The following NRXN3 variants were observed in gnomAD, a reference collection of about 807,000 sequenced individuals.
NRXN3 encodes neurexin III.
Under a neutral mutation model 137.6 loss-of-function variants are expected in NRXN3, and 32 were observed. That is an observed-to-expected ratio of 0.23 (90% CI 0.18 to 0.31). The LOEUF is 0.31. Ranked by LOEUF, NRXN3 falls within the 10% of genes least tolerant of loss-of-function variation. NRXN3 has a pLI of 1.00. For missense variants in NRXN3, 1,574 were observed against 2,062.5 expected, an observed-to-expected ratio of 0.76 and a Z score of 4.59; for synonymous variants, 798 against 784.5, an observed-to-expected ratio of 1.02 and a Z score of -0.29.
intron 15 of NRXN3, among the ~76,000 whole-genome samples, chr14:79,225,657 C>T (rs1004939794): frequency 6.6e-6 from 1 of 151,956 alleles, no homozygotes; most frequent in African/African-American, 2.4e-5. Context: ...CACTTTTTAC[C>T]CCCTGAATCT....
At chr14:78,317,707 A>G (rs1052285889) in intron 4 of NRXN3, among the ~76,000 whole-genome samples, 5 of 152,158 alleles carry the variant, frequency 3.3e-5, no homozygotes, top group Admixed American at 6.5e-5. Flanking sequence ...TCCCAGACAC[A>G]CTCAGAACAA....
intron 4 of NRXN3, among the ~76,000 whole-genome samples, chr14:78,573,325 G>A (rs1421266972): frequency 2.6e-5 from 4 of 152,142 alleles, no homozygotes; most frequent in Non-Finnish European, 5.9e-5. Flanking sequence ...TTTGGAACTA[G>A]GTAACAGGCA....
chr14:79,063,605 G>A (rs2152677602), intron 15 of NRXN3, among the ~76,000 whole-genome samples: 1 of 152,170 alleles, frequency 6.6e-6, no homozygotes, highest in East Asian at 1.9e-4. Context: ...AGAACCCATA[G>A]GAAATATTAT....
intron 15 of NRXN3, among the ~76,000 whole-genome samples, chr14:79,232,075 G>A (rs1456708803): frequency 6.6e-6 from 1 of 152,128 alleles, no homozygotes; most frequent in African/African-American, 2.4e-5. Flanking sequence ...TTTATATTCT[G>A]TGAGGTAAAA....
intron 15 of NRXN3, among the ~76,000 whole-genome samples, chr14:79,092,016 G>C (rs1012493309): frequency 2.6e-5 from 4 of 152,084 alleles, no homozygotes; most frequent in South Asian, 2.1e-4. Context: ...AAATCTAAAG[G>C]ATGATAAATT....
chr14:79,723,882 C>T (rs530810751), intron 19 of NRXN3, among the ~76,000 whole-genome samples: 2 of 152,092 alleles, frequency 1.3e-5, no homozygotes, highest in East Asian at 1.9e-4. Context: ...GTGGTACCTC[C>T]GTGTTGTTCT....
chr14:78,316,075 G>A (rs537268485), intron 4 of NRXN3, among the ~76,000 whole-genome samples: 137 of 152,278 alleles, frequency 9.0e-4, no homozygotes, highest in Middle Eastern at 3.4e-3. Context: ...TTCTGGGCTT[G>A]TGATTTTTTT....
intron 15 of NRXN3, among the ~76,000 whole-genome samples, chr14:79,376,246 AT>A (rs2094292823): frequency 1.1e-5 from 1 of 92,160 alleles, no homozygotes; most frequent in East Asian, 2.8e-4. Flanking sequence ...ATATATATAT[AT>A]ATATATATAT....
At chr14:78,525,069 T>C (rs575577420) in intron 4 of NRXN3, among the ~76,000 whole-genome samples, 21 of 152,346 alleles carry the variant, frequency 1.4e-4, no homozygotes, top group African/African-American at 4.8e-4. Flanking sequence ...CCTTGTATTT[T>C]TGAGAAGCTC....
chr14:78,919,809 A>G (rs959770141), intron 10 of NRXN3, among the ~76,000 whole-genome samples: 1 of 152,188 alleles, frequency 6.6e-6, no homozygotes, highest in Non-Finnish European at 1.5e-5. Flanking sequence ...ATCAATTGAC[A>G]TTACACAATT....
intron 2 of NRXN3, 134 bp from the exon 3 acceptor site, chr14:78,278,511 G>C: frequency 1.4e-6 from 1 of 736,668 alleles, no homozygotes; most frequent in Non-Finnish European, 2.3e-6. Flanking sequence ...GAGTACCTCT[G>C]GGGCTTGCAT....
chr14:79,319,199 C>T (rs1047191045), intron 15 of NRXN3, among the ~76,000 whole-genome samples: 1 of 152,170 alleles, frequency 6.6e-6, no homozygotes, highest in African/African-American at 2.4e-5. Context: ...AAAGTATTCC[C>T]AGACTTTCAA....
chr14:78,409,838 C>G (rs2092716521), intron 4 of NRXN3, among the ~76,000 whole-genome samples: 1 of 152,200 alleles, frequency 6.6e-6, no homozygotes, highest in Non-Finnish European at 1.5e-5. Context: ...ACAGGAAAAC[C>G]CAACCCAAAC....
chr14:79,730,363 C>T (rs2098917534), intron 19 of NRXN3, among the ~76,000 whole-genome samples: 1 of 152,146 alleles, frequency 6.6e-6, no homozygotes, highest in Non-Finnish European at 1.5e-5. Flanking sequence ...CTCCATCTCC[C>T]TCATTTTCTC....
intron 19 of NRXN3, among the ~76,000 whole-genome samples, chr14:79,743,237 C>T (rs2098968701): frequency 6.6e-6 from 1 of 152,088 alleles, no homozygotes; most frequent in South Asian, 2.1e-4. Context: ...ATGCTAGAGG[C>T]CTGGCTCTGC....
intron 15 of NRXN3, among the ~76,000 whole-genome samples, chr14:79,025,857 C>T (rs113641380): frequency 0.022 from 3,394 of 152,136 alleles, 118 homozygotes; most frequent in African/African-American, 0.077. Context: ...AGCTGTTTAA[C>T]GATGCCATTT....
chr14:78,645,507 T>A, intron 5 of NRXN3, 86 bp downstream of exon 5: 1 of 1,096,860 alleles, frequency 9.1e-7, no homozygotes, highest in South Asian at 1.8e-5. Flanking sequence ...GGGTGTGAGG[T>A]GGAGAGGGGT....
chr14:78,930,985 T>C lies in NRXN3; in HGVS notation c.2276-26257T>C, dbSNP rs113810306. ...CATAATTTGAATATAAAGAAGAAAATGATAGAGGCATCTGGATGACCTGAT... is the reference window on the plus strand; with the variant it reads ...CATAATTTGAATATAAAGAAGAAAACGATAGAGGCATCTGGATGACCTGAT... On this transcript the variant is annotated intron_variant, in intron 10 of 20. Transcript: ENST00000335750. 5.6e-3 allele frequency among the ~76,000 whole-genome samples: 846 copies of C among 152,232 alleles called. 9 individuals are homozygous for C. The highest frequency in any genetic ancestry group is 0.014 in the Middle Eastern group (4 of 294).
At chr14:78,747,473 G>A (rs2098615443) in intron 8 of NRXN3, among the ~76,000 whole-genome samples, 1 of 152,186 alleles carries the variant, frequency 6.6e-6, no homozygotes, top group South Asian at 2.1e-4. Context: ...GTCAACAGAT[G>A]ATTCTGCTTC....
Sources: allele counts gnomAD v4.1 joint callset (sites outside exome capture counted in the v4.1 genomes callset), GRCh38; gene constraint gnomAD v4.1.1; transcripts MANE v1.5; gene names NCBI Gene and HGNC (gene_info 2026-07-23, HGNC 2026-07-21).